RNF20: variants seen among roughly 807,000 people sequenced by gnomAD.
RNF20 encodes the protein E3 ubiquitin-protein ligase BRE1A.
A neutral mutation model predicts 126.2 loss-of-function variants in RNF20; 84 were observed. That is an observed-to-expected ratio of 0.67 (90% CI 0.56 to 0.80). The LOEUF is 0.80. Ranked by LOEUF, RNF20 falls within the 30% of genes least tolerant of loss-of-function variation. The probability of loss-of-function intolerance (pLI) is 0.00; values close to 1 mark genes in which losing one functional copy is unlikely to be tolerated. For synonymous variants in RNF20, 400 were observed against 414.3 expected, an observed-to-expected ratio of 0.97 and a Z score of 0.42; for missense variants, 869 against 1,188.2, an observed-to-expected ratio of 0.73 and a Z score of 3.95.
At position 101,554,002 on chromosome 9, in the gene RNF20, G is replaced by A; in HGVS notation, c.1916G>A (p.Ser639Asn). 6.2e-7 allele frequency: 1 copy of A among 1,611,912 alleles called. No individual in the cohort carries two copies. ...GCCTGTCATAGGAAGGCACAGGAGA[G>A]CCAAAAGGAGATGAAACTATTGCTG... is the stretch of plus-strand genomic sequence containing the variant. ...LKIELKKAQESQKEMKLLLDM... is the reference protein window; with the variant it reads ...LKIELKKAQENQKEMKLLLDM... The change falls in exon 14 of 20, where the codon AGC becomes AAC. Residue 639 changes from serine (S) to asparagine (N), a missense_variant. Ser to Asn is a conservative substitution (Grantham distance 46). This residue lies in a region of RNF20 where 231 missense variants were observed against 263.6 expected (regional missense o/e 0.88). Coordinates refer to ENST00000389120, the MANE Select transcript of RNF20 (RefSeq NM_019592.7).
rs929732326 is a variant in RNF20, at chr9:101,540,092, A to C, written c.130-111A>C. ...TTACTTGTAAGATTTTTTAAAAGTC[A>C]ATAGCTTTATTCATAGAAAATAACT... On this transcript the variant is annotated intron_variant, in intron 2 of 19. Transcript: ENST00000389120. 40 of 1,047,848 alleles carry C rather than the reference A, an allele frequency of 3.8e-5. 1 individual carries two copies. In the South Asian group the frequency reaches 6.2e-4, roughly 16 times the overall value. 64.9% of individuals were successfully genotyped at this position (1,047,848 alleles called of 1,614,324 possible). A position where few individuals can be genotyped will look rare whatever the true frequency, so the allele number is the denominator to read the frequency against.
Position 101,562,720 on chromosome 9 carries a change from C to T in RNF20, c.*298C>T. On this transcript the variant is annotated 3_prime_UTR_variant, in exon 20 of 20. Coordinates refer to ENST00000389120, the MANE Select transcript of RNF20 (RefSeq NM_019592.7). Reference sequence around the variant, plus strand: ...CTTTTCAGTGTTTTCTTTTTCCAGCCCACTGTATAAACTTGGATTGTCCAT... The same window carrying T: ...CTTTTCAGTGTTTTCTTTTTCCAGCTCACTGTATAAACTTGGATTGTCCAT... 4.1e-6 allele frequency: 1 copy of T among 242,646 alleles called. No individual in the cohort carries two copies. The highest frequency in any genetic ancestry group is 7.9e-6 in the Non-Finnish European group (1 of 126,442). The allele number at this position is 242,646 out of a possible 1,614,324, so 15.0% of individuals were successfully genotyped here.
In RNF20 at chr9:101,562,394, A is replaced by G; in HGVS notation, c.2900A>G (p.Asn967Ser). ...CPKCNAAFGA[N>S]DFHRIYIG The stretch of plus-strand genomic sequence containing the variant: ...AAGTGTAATGCTGCTTTTGGTGCCA[A>G]TGATTTTCATCGCATCTACATTGGT... Residue 967 changes from asparagine to serine, a missense_variant, in exon 20 of 20, where the codon AAT becomes AGT. Coordinates refer to ENST00000389120, the MANE Select transcript of RNF20 (RefSeq NM_019592.7). 6.2e-7 allele frequency: 1 copy of G among 1,613,756 alleles called. No individual in the cohort carries two copies. The highest frequency in any genetic ancestry group is 8.5e-7 in the Non-Finnish European group (1 of 1,179,860).
Position 101,554,750 on chromosome 9 carries a change from C to T in RNF20, c.2076C>T (p.Asn692=), listed in dbSNP as rs1827505972. 6.2e-7 allele frequency: 1 copy of T among 1,607,744 alleles called. No homozygotes were observed. Among genetic ancestry groups the T allele is most frequent in the African/African-American group, 1.3e-5 (1 of 74,598 alleles). The change falls in exon 15 of 20, where the codon AAC becomes AAT. Residue 692 remains asparagine, a synonymous_variant. Transcript: ENST00000389120. ...KDLEDKEKKE[N]KKMADEDALR... Reference sequence around the variant, plus strand: ...TGGAAGATAAAGAGAAGAAAGAGAACAAGAAAATGGCTGATGAGGATGCCT... The same window carrying T: ...TGGAAGATAAAGAGAAGAAAGAGAATAAGAAAATGGCTGATGAGGATGCCT...
chr9:101,552,782 C>T (rs754169977), intron 13 of RNF20, 29 bp downstream of exon 13: 26 of 1,559,474 alleles, frequency 1.7e-5, no homozygotes, highest in Admixed American at 9.6e-5. Flanking sequence ...GTAACAGTTT[C>T]GACTGAAAAG....
intron 2 of RNF20, among the ~76,000 whole-genome samples, chr9:101,537,794 G>A (rs541825617): frequency 4.3e-4 from 66 of 152,184 alleles, no homozygotes; most frequent in Non-Finnish European, 6.5e-4. Context: ...TTGGAACAAG[G>A]GGAATAAAGG....
chr9:101,540,573 T>A lies in RNF20; in HGVS notation c.381T>A (p.Leu127=). The part of the protein sequence containing the change: ...LGDLLTERKA[L]VVPEPEPDSD... ...ACCTACTCACAGAACGAAAAGCCCTTGTTGTGCCTGAACCAGAACCAGACT... is the reference window on the plus strand; with the variant it reads ...ACCTACTCACAGAACGAAAAGCCCTAGTTGTGCCTGAACCAGAACCAGACT... Residue 127 remains leucine, a synonymous_variant, in exon 4 of 20, where the codon CTT becomes CTA. Coordinates refer to ENST00000389120, the MANE Select transcript of RNF20 (RefSeq NM_019592.7). The A allele has an allele frequency of 1.2e-6, 2 of 1,614,088 alleles. No individual in the cohort carries two copies. The highest frequency in any genetic ancestry group is 1.7e-6 in the Non-Finnish European group (2 of 1,180,024).
intron 5 of RNF20, 55 bp downstream of exon 5, chr9:101,541,030 T>C: frequency 1.4e-6 from 2 of 1,402,790 alleles, no homozygotes. Flanking sequence ...GAATTCATTT[T>C]TGCATGCTAA....
At position 101,561,963 on chromosome 9, in the gene RNF20, T is replaced by G; in HGVS notation, c.2703T>G (p.Asn901Lys). Residue 901 changes from asparagine to lysine, a missense_variant, in exon 19 of 20, where the codon AAT (asparagine) becomes AAG (lysine). Physicochemically the swap from Asn to Lys is moderately conservative, Grantham distance 94. Coordinates refer to ENST00000389120, the MANE Select transcript of RNF20 (RefSeq NM_019592.7). The part of the protein sequence containing the change: ...RKLETTKKPD[N>K]VPKCDEILME... ...TGGAGACCACAAAGAAACCAGACAA[T>G]GTACCCAAGTGTGATGAGATTCTGA... 1.9e-6 allele frequency: 3 copies of G among 1,613,244 alleles called. No homozygotes were observed. The highest frequency in any genetic ancestry group is 2.5e-6 in the Non-Finnish European group (3 of 1,179,662).
At chr9:101,553,142 T>G (rs1210566615) in intron 13 of RNF20, among the ~76,000 whole-genome samples, 1 of 152,226 alleles carries the variant, frequency 6.6e-6, no homozygotes, top group Non-Finnish European at 1.5e-5. Context: ...TCACTGTAAC[T>G]TGAACAATAT....
At position 101,540,252 on chromosome 9, in the gene RNF20, A is replaced by G; in HGVS notation, c.179A>G (p.Glu60Gly). The G allele has an allele frequency of 6.2e-7, 1 of 1,614,192 alleles. No homozygotes were observed. Among genetic ancestry groups the G allele is most frequent in the Non-Finnish European group, 8.5e-7 (1 of 1,180,016 alleles). ...CAAACCAAAAATCGCAAGCTGGCAG[A>G]AATGTTGGATCAGCGGCAGGCCATT... ...TLQTKNRKLA[E>G]MLDQRQAIED... The change falls in exon 3 of 20, where the codon GAA (glutamate) becomes GGA (glycine). Residue 60 changes from glutamate to glycine, a missense_variant. Around this residue, in one of 8 missense-constraint regions of RNF20, gnomAD observed 157 missense variants for 236.0 expected, o/e 0.67. Transcript: ENST00000389120.
chr9:101,561,989 T>C lies in RNF20; in HGVS notation c.2729T>C (p.Met910Thr). The C allele has an allele frequency of 1.9e-6, 3 of 1,610,468 alleles. No homozygotes were observed. Among genetic ancestry groups the C allele is most frequent in the South Asian group, 2.2e-5 (2 of 90,154 alleles). The change falls in exon 19 of 20, where the codon ATG (methionine) becomes ACG (threonine). Residue 910 changes from methionine to threonine, a missense_variant. By Grantham distance (81) the Met-to-Thr change is moderately conservative. Coordinates refer to ENST00000389120, the MANE Select transcript of RNF20 (RefSeq NM_019592.7). ...DNVPKCDEIL[M>T]EEIKDYKARL... is the part of the protein sequence containing the mutation. ...GTACCCAAGTGTGATGAGATTCTGA[T>C]GGAAGAGATTAAGGATTACAAGGTT...
Position 101,547,650 on chromosome 9 carries a change from T to A in RNF20, c.1092+132T>A, listed in dbSNP as rs1231609847. The A allele has an allele frequency of 2.8e-6, 3 of 1,065,478 alleles. No individual in the cohort carries two copies. In the African/African-American group the frequency reaches 4.8e-5, roughly 17 times the overall value. 66.0% of individuals were successfully genotyped at this position (1,065,478 alleles called of 1,614,324 possible). Reference sequence around the variant, plus strand: ...GACAAAATCCAACATCCTTTTATGATAAAACTCTTAACAAATTAGGTGTAA... The same window carrying A: ...GACAAAATCCAACATCCTTTTATGAAAAAACTCTTAACAAATTAGGTGTAA... On this transcript the variant is annotated intron_variant, in intron 9 of 19. Transcript: ENST00000389120.
intron 9 of RNF20, among the ~76,000 whole-genome samples, chr9:101,548,563 C>T (rs1378289999): frequency 1.3e-5 from 2 of 152,114 alleles, no homozygotes; most frequent in Non-Finnish European, 2.9e-5. Flanking sequence ...AGCAAAATGC[C>T]ACATTGTATA....
chr9:101,550,275 G>C (rs1216217587), intron 9 of RNF20, among the ~76,000 whole-genome samples: 1 of 152,178 alleles, frequency 6.6e-6, no homozygotes, highest in Non-Finnish European at 1.5e-5. Flanking sequence ...AAGAGAACAA[G>C]TTAGTGACTG....
chr9:101,538,225 G>A (rs1827213051), intron 2 of RNF20, among the ~76,000 whole-genome samples: 1 of 152,182 alleles, frequency 6.6e-6, no homozygotes, highest in Admixed American at 6.5e-5. Flanking sequence ...GCTGAAGGAG[G>A]TAGAAGACAA....
chr9:101,545,495 G>A (rs115100124), intron 6 of RNF20, among the ~76,000 whole-genome samples: 349 of 152,306 alleles, frequency 2.3e-3, no homozygotes, highest in African/African-American at 8.2e-3. Flanking sequence ...AAAGAGGTTA[G>A]TGATTATTCT....
chr9:101,552,897 A>C, intron 13 of RNF20, 144 bp downstream of exon 13: 1 of 849,058 alleles, frequency 1.2e-6, no homozygotes, highest in Non-Finnish European at 1.8e-6. Flanking sequence ...AGTCGTGTTC[A>C]AGTGCACAGC....
intron 5 of RNF20, among the ~76,000 whole-genome samples, chr9:101,541,618 C>G (rs1827261484): frequency 6.6e-6 from 1 of 152,036 alleles, no homozygotes; most frequent in South Asian, 2.1e-4. Flanking sequence ...TGTATGTAGG[C>G]TATTGATTTA....
Sources: gnomAD v4.1 joint callset for allele counts (sites outside exome capture counted in the v4.1 genomes callset) on GRCh38, gnomAD v4.1.1 for gene constraint, gnomAD v4.1.1 regional missense constraint, MANE v1.5 for transcripts, NCBI Gene and HGNC (gene_info 2026-07-23, HGNC 2026-07-21) for gene names.